Variants in LINGO2 observed in about 807,000 individuals in gnomAD.
LINGO2 encodes the protein leucine-rich repeat and immunoglobulin-like domain-containing nogo receptor-interacting protein 2.
A neutral mutation model predicts 30.6 loss-of-function variants in LINGO2; 14 were observed. The ratio of observed to expected loss-of-function variants is 0.46; its 90% CI spans 0.30 to 0.72. LINGO2 has a LOEUF of 0.72. Ranked by LOEUF, LINGO2 falls within the 30% of genes least tolerant of loss-of-function variation. LINGO2 has a pLI of 0.07. For missense variants in LINGO2, 729 were observed against 751.7 expected, an observed-to-expected ratio of 0.97 and a Z score of 0.35; for synonymous variants, 317 against 288.5, an observed-to-expected ratio of 1.10 and a Z score of -1.00.
At chr9:28,687,313 T>C in the LINGO2 span, among the ~76,000 whole-genome samples, 1 of 152,284 alleles carries the variant, frequency 6.6e-6, no homozygotes, top group Admixed American at 6.5e-5. Flanking sequence ...TTTAAGCTAA[T>C]GATTTAAGCC....
At chr9:28,364,448 C>T (rs971881935) in intron 3 of LINGO2, among the ~76,000 whole-genome samples, 3 of 151,984 alleles carry the variant, frequency 2.0e-5, no homozygotes, top group African/African-American at 7.3e-5. Flanking sequence ...GCACTTTTGG[C>T]GGTCTTCAGA....
At chr9:29,055,771 G>A in the LINGO2 span, among the ~76,000 whole-genome samples, 894 of 151,846 alleles carry the variant, frequency 5.9e-3, 11 homozygotes, top group African/African-American at 0.021. Context: ...ATGTCTTCGC[G>A]TCCTCATAGC....
At chr9:28,292,125 T>A (rs10968442) in intron 4 of LINGO2, among the ~76,000 whole-genome samples, 11,094 of 152,224 alleles carry the variant, frequency 0.073, 726 homozygotes, top group East Asian at 0.38. Context: ...ATTTGATCTG[T>A]GGAAGCACTT....
chr9:29,029,447 G>T, the LINGO2 span, among the ~76,000 whole-genome samples: 1 of 152,054 alleles, frequency 6.6e-6, no homozygotes, highest in Non-Finnish European at 1.5e-5. Flanking sequence ...AATCAATCTT[G>T]AAAATGGGTA....
At chr9:28,056,757 A>G (rs180863478) in intron 4 of LINGO2, among the ~76,000 whole-genome samples, 209 of 152,300 alleles carry the variant, frequency 1.4e-3, no homozygotes, top group Non-Finnish European at 2.3e-3. Context: ...TTGCAACTCC[A>G]AAGAATTCTG....
chr9:28,205,427 C>G (rs1366207838), intron 4 of LINGO2, among the ~76,000 whole-genome samples: 3 of 152,170 alleles, frequency 2.0e-5, no homozygotes, highest in Non-Finnish European at 4.4e-5. Flanking sequence ...ATCCATTACT[C>G]TTGGTCATAT....
chr9:28,000,820 C>T (rs961611986), intron 5 of LINGO2, among the ~76,000 whole-genome samples: 13 of 152,190 alleles, frequency 8.5e-5, no homozygotes, highest in Admixed American at 7.2e-4. Context: ...CTGATAGAAA[C>T]TTTATCCAGA....
chr9:28,336,533 T>C (rs1191872772), intron 3 of LINGO2, among the ~76,000 whole-genome samples: 1 of 152,180 alleles, frequency 6.6e-6, no homozygotes, highest in Non-Finnish European at 1.5e-5. Context: ...CAGAAAATTT[T>C]ATGGTTTTAT....
chr9:28,913,214 CATA>C, the LINGO2 span, among the ~76,000 whole-genome samples: 2 of 152,110 alleles, frequency 1.3e-5, no homozygotes, highest in South Asian at 2.1e-4. Flanking sequence ...CTGTTATCAT[CATA>C]ATAATTCCAT....
chr9:28,659,752 G>A (rs1159241997), intron 1 of LINGO2, among the ~76,000 whole-genome samples: 1 of 152,028 alleles, frequency 6.6e-6, no homozygotes, highest in East Asian at 1.9e-4. Context: ...CTTGGCCAAT[G>A]GCTGACTTCT....
At position 28,172,352 on chromosome 9, in the gene LINGO2, C is replaced by G. The variant is rs1369368676; in HGVS notation, c.-87+122856G>C. ...CTTGCAGTGAGCCGAGATCCCGCCACTGCACTCCAGCCTGGGCGACAGAGC... is the reference window on the plus strand; with the variant it reads ...CTTGCAGTGAGCCGAGATCCCGCCAGTGCACTCCAGCCTGGGCGACAGAGC... On this transcript the variant is annotated intron_variant, in intron 4 of 5. Transcript: ENST00000379992. 2.0e-5 allele frequency among the ~76,000 whole-genome samples: 3 copies of G among 150,080 alleles called. No homozygotes were observed. The East Asian group carries it at 5.9e-4, about 30-fold the overall frequency.
At position 28,285,466 on chromosome 9, in the gene LINGO2, C is replaced by A. The variant is rs904092826; in HGVS notation, c.-87+9742G>T. On this transcript the variant is annotated intron_variant, in intron 4 of 5. Coordinates refer to ENST00000379992, the Ensembl canonical transcript of LINGO2. ...TGTCTCCCAGGCTGGAGTGCAGTGGCGTGATCTCAGCTCACTGCAAGGTCC... is the reference window on the plus strand; with the variant it reads ...TGTCTCCCAGGCTGGAGTGCAGTGGAGTGATCTCAGCTCACTGCAAGGTCC... 3.3e-5 allele frequency among the ~76,000 whole-genome samples: 4 copies of A among 122,068 alleles called. No homozygotes were observed. The Admixed American group carries it at 4.6e-4, about 14-fold the overall frequency. The allele number at this position is 122,068 out of a possible 152,430, so 80.1% of individuals were successfully genotyped here.
the LINGO2 span, among the ~76,000 whole-genome samples, chr9:28,862,046 C>T: frequency 9.2e-5 from 14 of 152,138 alleles, no homozygotes; most frequent in East Asian, 5.8e-4. Context: ...ACATAAGCTT[C>T]GGCTCAAAGG....
At chr9:28,442,393 A>G (rs1479267104) in intron 2 of LINGO2, among the ~76,000 whole-genome samples, 2 of 152,118 alleles carry the variant, frequency 1.3e-5, no homozygotes, top group Non-Finnish European at 2.9e-5. Flanking sequence ...AGAATGGATT[A>G]ATGATTCTAC....
At chr9:28,140,335 A>G (rs1046961186) in intron 4 of LINGO2, among the ~76,000 whole-genome samples, 2 of 152,216 alleles carry the variant, frequency 1.3e-5, no homozygotes, top group African/African-American at 4.8e-5. Flanking sequence ...TACTGAGTGA[A>G]CCAGATAGGA....
the LINGO2 span, chr9:27,939,790 G>C: frequency 6.6e-6 from 1 of 152,166 alleles, no homozygotes; most frequent in Admixed American, 6.6e-5. Flanking sequence ...TAGCATACTT[G>C]ATCTCTTGTG....
intron 3 of LINGO2, among the ~76,000 whole-genome samples, chr9:28,358,268 C>T (rs1820307972): frequency 6.6e-6 from 1 of 152,000 alleles, no homozygotes; most frequent in Non-Finnish European, 1.5e-5. Flanking sequence ...AAAACTGAAG[C>T]CCACGAAGTT....
chr9:28,468,481 C>T (rs998042798), intron 2 of LINGO2, among the ~76,000 whole-genome samples: 2 of 152,100 alleles, frequency 1.3e-5, no homozygotes, highest in African/African-American at 2.4e-5. Flanking sequence ...TGCAGGTCCA[C>T]AGAAACTGAA....
rs554674336 is a variant in LINGO2, at chr9:28,244,708, T to C, written c.-87+50500A>G. ...AAATAACTAGAAAATCTAAAAGAAATGGATGAATTCCTGGACACATACACC... is the reference window on the plus strand; with the variant it reads ...AAATAACTAGAAAATCTAAAAGAAACGGATGAATTCCTGGACACATACACC... On this transcript the variant is annotated intron_variant, in intron 4 of 5. Transcript: ENST00000379992. Among the ~76,000 whole-genome samples the C allele has an allele frequency of 1.6e-3, 244 of 151,632 alleles. 1 individual carries two copies. The highest frequency in any genetic ancestry group is 5.6e-3 in the African/African-American group (233 of 41,298).
Sources: allele counts gnomAD v4.1 joint callset (sites outside exome capture counted in the v4.1 genomes callset), GRCh38; gene constraint gnomAD v4.1.1; transcripts MANE v1.5; gene names NCBI Gene and HGNC (gene_info 2026-07-23, HGNC 2026-07-21).